The following PRTFDC1 variants were observed in gnomAD, a reference collection of about 807,000 sequenced individuals.
The protein encoded by PRTFDC1 is phosphoribosyl transferase domain containing 1.
PRTFDC1 carries 38 observed loss-of-function variants against 34.6 expected under a neutral mutation model. The observed-to-expected ratio is 1.10, with a 90% confidence interval of 0.85 to 1.44. The LOEUF (loss-of-function observed/expected upper bound fraction) is 1.44. Ranked by LOEUF, PRTFDC1 falls within the 40% of genes most tolerant of loss-of-function variation. The pLI is 0.00. For synonymous variants in PRTFDC1, 93 were observed against 98.1 expected (o/e 0.95, Z 0.31); for missense variants, 270 against 283.0 (o/e 0.95, Z 0.33).
intron 2 of PRTFDC1, among the ~76,000 whole-genome samples, chr10:24,941,062 T>TGTGTGTG (rs1564320103): frequency 0.011 from 1,525 of 145,162 alleles, 20 homozygotes; most frequent in African/African-American, 0.035. Flanking sequence ...GTGTGTGTGT[T>TGTGTGTG]TGTGTGTTTG....
rs1394832934 is a variant in PRTFDC1 at position 24,952,579 on chromosome 10, T to A, written c.-4A>T. On this transcript the variant is annotated 5_prime_UTR_variant, in exon 1 of 9. Coordinates refer to ENST00000320152, the MANE Select transcript of PRTFDC1 (RefSeq NM_020200.7). This position sits in a 1 kb window ranked among gnomAD's most constrained non-coding sequence, Gnocchi z 5.1. ...CCTCCTCGCTGCTCCCGGCCATGTT[T>A]CTCCCGGGGAACGCGGGAAGGGAAG... 1.9e-6 allele frequency: 3 copies of A among 1,569,816 alleles called. No individual in the cohort carries two copies. In the South Asian group the frequency reaches 3.5e-5, roughly 18 times the overall value.
At chr10:24,855,646 T>G (rs1304290006) in intron 6 of PRTFDC1, among the ~76,000 whole-genome samples, 1 of 151,844 alleles carries the variant, frequency 6.6e-6, no homozygotes, top group African/African-American at 2.4e-5. Flanking sequence ...ATTAAAAAAT[T>G]TAGCTGGGTG....
intron 4 of PRTFDC1, among the ~76,000 whole-genome samples, chr10:24,870,315 C>T (rs1392018119): frequency 6.6e-6 from 1 of 152,092 alleles, no homozygotes; most frequent in Non-Finnish European, 1.5e-5. Context: ...GCTATGTTGG[C>T]CTGGCAGGTC....
Position 24,893,825 on chromosome 10 carries a change from C to T in PRTFDC1, c.340-21762G>A, listed in dbSNP as rs150692765. On this transcript the variant is annotated intron_variant, in intron 3 of 8. Transcript: ENST00000320152. The stretch of plus-strand genomic sequence containing the variant: ...ACCCAGGCCTGCCCCACAGCAGAGC[C>T]CTCCTGTTTGAGCATTATGTTGAAC... 1.6e-4 allele frequency among the ~76,000 whole-genome samples: 25 copies of T among 152,264 alleles called. No individual in the cohort carries two copies. In the East Asian group the frequency reaches 4.8e-3, roughly 29 times the overall value.
At chr10:24,909,307 A>G (rs1206370123) in intron 3 of PRTFDC1, among the ~76,000 whole-genome samples, 2 of 152,192 alleles carry the variant, frequency 1.3e-5, no homozygotes, top group African/African-American at 2.4e-5. Context: ...ATCTAACTCA[A>G]AGGTAAGAAA....
chr10:24,893,772 C>T (rs1176559454), intron 3 of PRTFDC1, among the ~76,000 whole-genome samples: 1 of 152,180 alleles, frequency 6.6e-6, no homozygotes, highest in Non-Finnish European at 1.5e-5. Flanking sequence ...TCCAAGCTCA[C>T]TCAGTAATTG....
intron 1 of PRTFDC1, among the ~76,000 whole-genome samples, chr10:24,947,191 G>A (rs1299955905): frequency 6.6e-6 from 1 of 152,166 alleles, no homozygotes; most frequent in Non-Finnish European, 1.5e-5. Flanking sequence ...CTCTAAAACT[G>A]TTCTATAATC....
At chr10:24,881,784 C>T (rs1848083008) in intron 3 of PRTFDC1, among the ~76,000 whole-genome samples, 1 of 152,104 alleles carries the variant, frequency 6.6e-6, no homozygotes, top group Non-Finnish European at 1.5e-5. Context: ...GAACACCGAC[C>T]ACCGTTTTGC....
At chr10:24,861,697 C>T (rs973207131) in intron 4 of PRTFDC1, among the ~76,000 whole-genome samples, 4 of 151,956 alleles carry the variant, frequency 2.6e-5, no homozygotes, top group African/African-American at 4.8e-5. Context: ...TAGACTTAGT[C>T]ATGTTTCACA....
intron 3 of PRTFDC1, among the ~76,000 whole-genome samples, chr10:24,932,517 T>A (rs1848987011): frequency 6.6e-6 from 1 of 152,094 alleles, no homozygotes; most frequent in Admixed American, 6.5e-5. Flanking sequence ...AATTGGAATT[T>A]GAAATTCAAA....
At chr10:24,940,507 C>T (rs948622033) in intron 2 of PRTFDC1, among the ~76,000 whole-genome samples, 2 of 152,110 alleles carry the variant, frequency 1.3e-5, no homozygotes, top group African/African-American at 2.4e-5. Context: ...GGTGAGATAC[C>T]ATTAGACAGC....
At chr10:24,878,233 A>G (rs1186442273) in intron 3 of PRTFDC1, among the ~76,000 whole-genome samples, 1 of 151,860 alleles carries the variant, frequency 6.6e-6, no homozygotes, top group Non-Finnish European at 1.5e-5. Flanking sequence ...AGATTGCACC[A>G]CTGCACTCCA....
At chr10:24,876,576 C>T (rs1847967445) in intron 3 of PRTFDC1, among the ~76,000 whole-genome samples, 1 of 151,526 alleles carries the variant, frequency 6.6e-6, no homozygotes, top group Non-Finnish European at 1.5e-5. Context: ...CACCTATAGT[C>T]CCAGCTACTC....
At chr10:24,897,191 G>A (rs1018183931) in intron 3 of PRTFDC1, among the ~76,000 whole-genome samples, 3 of 151,352 alleles carry the variant, frequency 2.0e-5, no homozygotes, top group African/African-American at 7.3e-5. Context: ...GCCTGACAGA[G>A]CAAGAATCTG....
At chr10:24,927,609 G>A (rs1169459440) in intron 3 of PRTFDC1, among the ~76,000 whole-genome samples, 2 of 139,462 alleles carry the variant, frequency 1.4e-5, no homozygotes, top group African/African-American at 5.5e-5. Flanking sequence ...TTGAGACAGA[G>A]TCTTGCTCTG....
chr10:24,919,965 A>AAGAAACG (rs1388784591), intron 3 of PRTFDC1, among the ~76,000 whole-genome samples: 1 of 152,136 alleles, frequency 6.6e-6, no homozygotes. Context: ...TCAAAAAGTC[A>AAGAAACG]AGAAACGATA....
chr10:24,868,100 T>C (rs1350624930), intron 4 of PRTFDC1: 2 of 152,262 alleles, frequency 1.3e-5, no homozygotes, highest in East Asian at 1.9e-4. Flanking sequence ...GCTGGCTTAA[T>C]GGTTTTTTAA....
At chr10:24,871,419 C>T (rs1333636852) in intron 4 of PRTFDC1, among the ~76,000 whole-genome samples, 1 of 152,132 alleles carries the variant, frequency 6.6e-6, no homozygotes, top group African/African-American at 2.4e-5. Context: ...CAGATCTAAA[C>T]AGTCTTTTCA....
chr10:24,856,465 G>A (rs1009832679), intron 6 of PRTFDC1, among the ~76,000 whole-genome samples: 18 of 152,066 alleles, frequency 1.2e-4, no homozygotes, highest in African/African-American at 4.1e-4. Context: ...GCAGGCGCCT[G>A]TAGTCCCAGC....
Sources: gnomAD v4.1 joint callset for allele counts (sites outside exome capture counted in the v4.1 genomes callset) on GRCh38, gnomAD v4.1.1 for gene constraint, Gnocchi (gnomAD v3.1) non-coding constraint, MANE v1.5 for transcripts, NCBI Gene and HGNC (gene_info 2026-07-23, HGNC 2026-07-21) for gene names.